Variants in WIPF3 observed in about 807,000 individuals in gnomAD.
WIPF3 encodes WAS/WASL-interacting protein family member 3.
A neutral mutation model predicts 38.9 loss-of-function variants in WIPF3; 33 were observed. The ratio of observed to expected loss-of-function variants is 0.85; its 90% confidence interval spans 0.64 to 1.14. The LOEUF (loss-of-function observed/expected upper bound fraction) is 1.14, where lower values mean the gene tolerates loss of function less well. Ranked by LOEUF, WIPF3 falls within the 50% of genes most tolerant of loss-of-function variation. WIPF3 has a pLI of 0.00. For missense variants in WIPF3, 711 were observed against 652.5 expected, an observed-to-expected ratio of 1.09 and a Z score of -0.98; for synonymous variants, 324 against 269.3, an observed-to-expected ratio of 1.20 and a Z score of -1.99.
At chr7:29,883,755 C>T in intron 4 of WIPF3, 95 bp from the exon 5 acceptor site, 1 of 1,467,440 alleles carries the variant, frequency 6.8e-7, no homozygotes, top group Non-Finnish European at 9.0e-7. Context: ...GTGCAGCTCA[C>T]TGCGGGCAGG....
intron 2 of WIPF3, among the ~76,000 whole-genome samples, chr7:29,846,404 T>C (rs1785001510): frequency 6.6e-6 from 1 of 152,178 alleles, no homozygotes; most frequent in Non-Finnish European, 1.5e-5. Context: ...CATAGAGTAT[T>C]TAAAACACAA....
chr7:29,912,086 A>G (rs956218632), intron 8 of WIPF3, among the ~76,000 whole-genome samples: 4 of 152,228 alleles, frequency 2.6e-5, no homozygotes, highest in Non-Finnish European at 5.9e-5. Flanking sequence ...CAACAAGAAA[A>G]CAAATAACCT....
intron 1 of WIPF3, among the ~76,000 whole-genome samples, chr7:29,821,209 G>A (rs1784531765): frequency 6.6e-6 from 1 of 152,120 alleles, no homozygotes; most frequent in Admixed American, 6.5e-5. Flanking sequence ...TTGTTTCTCT[G>A]GGATATGATG....
chr7:29,878,909 A>G lies in WIPF3; in HGVS notation c.224-100A>G, dbSNP rs2128074251. On this transcript the variant is annotated intron_variant, in intron 3 of 8. Coordinates refer to ENST00000242140, the MANE Select transcript of WIPF3 (RefSeq NM_001080529.3). This position sits in a 1 kb window ranked among gnomAD's most constrained non-coding sequence, Gnocchi z 4.0. ...GAGGTGGGAGAATGGGAAGGCTGAC[A>G]AGGGCAGTGGTAGACCAGTGTTAGA... The G allele has an allele frequency of 1.4e-6, 2 of 1,379,646 alleles. No individual in the cohort carries two copies. Among genetic ancestry groups the G allele is most frequent in the Non-Finnish European group, 2.0e-6 (2 of 1,016,396 alleles). 85.5% of individuals were successfully genotyped at this position (1,379,646 alleles called of 1,614,324 possible).
chr7:29,875,710 T>C, intron 2 of WIPF3, 120 bp from the exon 3 acceptor site: 2 of 1,345,404 alleles, frequency 1.5e-6, no homozygotes, highest in Non-Finnish European at 2.1e-6. Flanking sequence ...TAATCTGAGA[T>C]CAGCCTTGGG....
At chr7:29,880,967 C>T (rs1398264694) in intron 4 of WIPF3, among the ~76,000 whole-genome samples, 1 of 152,108 alleles carries the variant, frequency 6.6e-6, no homozygotes, top group Non-Finnish European at 1.5e-5. Flanking sequence ...ATGCCATCCC[C>T]TCCACTCACA....
chr7:29,827,690 G>A (rs1784645775), intron 1 of WIPF3, among the ~76,000 whole-genome samples: 1 of 152,168 alleles, frequency 6.6e-6, no homozygotes, highest in Non-Finnish European at 1.5e-5. Context: ...TATAGCCAAA[G>A]AAACAAGGGA....
At chr7:29,824,383 A>G (rs1784583533) in intron 1 of WIPF3, among the ~76,000 whole-genome samples, 1 of 152,186 alleles carries the variant, frequency 6.6e-6, no homozygotes, top group Non-Finnish European at 1.5e-5. Context: ...AAGTGTGACC[A>G]AAGTGCAAAG....
chr7:29,818,203 G>C (rs1247631904), intron 1 of WIPF3, among the ~76,000 whole-genome samples: 1 of 152,086 alleles, frequency 6.6e-6, no homozygotes, highest in East Asian at 1.9e-4. Flanking sequence ...TGTAATCCCA[G>C]CACTTTGGGA....
chr7:29,854,618 G>A (rs1283423269), intron 2 of WIPF3, among the ~76,000 whole-genome samples: 1 of 152,104 alleles, frequency 6.6e-6, no homozygotes, highest in Non-Finnish European at 1.5e-5. Flanking sequence ...GGGCCAGGTC[G>A]CTTGTTCACA....
At position 29,860,368 on chromosome 7, in the gene WIPF3, T is replaced by A. The variant is rs76866065; in HGVS notation, c.91-15462T>A. Among the ~76,000 whole-genome samples, 425 of 152,100 alleles carry A rather than the reference T, an allele frequency of 2.8e-3. 2 individuals are homozygous for A. Among genetic ancestry groups the A allele is most frequent in the African/African-American group, 1.0e-2 (414 of 41,472 alleles). On this transcript the variant is annotated intron_variant, in intron 2 of 8. Coordinates refer to ENST00000242140, the MANE Select transcript of WIPF3 (RefSeq NM_001080529.3). ...TGGGGACAGCTCCCCATGAGTTCGTTCTTGCTGTATTAGTTCCCTCCAAAG... is the reference window on the plus strand; with the variant it reads ...TGGGGACAGCTCCCCATGAGTTCGTACTTGCTGTATTAGTTCCCTCCAAAG...
intron 5 of WIPF3, among the ~76,000 whole-genome samples, chr7:29,886,653 G>A (rs778462599): frequency 5.3e-5 from 8 of 152,012 alleles, no homozygotes; most frequent in African/African-American, 9.7e-5. Context: ...CACTATGCCC[G>A]GCCAACAAAA....
chr7:29,878,930 T>G lies in WIPF3; in HGVS notation c.224-79T>G, dbSNP rs1310827088. The G allele has an allele frequency of 2.0e-6, 3 of 1,503,612 alleles. No individual in the cohort carries two copies. Among genetic ancestry groups the G allele is most frequent in the South Asian group, 1.2e-5 (1 of 80,886 alleles). The allele number at this position is 1,503,612 out of a possible 1,614,324, so 93.1% of individuals were successfully genotyped here. On this transcript the variant is annotated intron_variant, in intron 3 of 8. Coordinates refer to ENST00000242140, the MANE Select transcript of WIPF3 (RefSeq NM_001080529.3). The surrounding 1 kb of genome is among the most constrained non-coding windows in gnomAD (Gnocchi z 4.0). Reference sequence around the variant, plus strand: ...TGACAAGGGCAGTGGTAGACCAGTGTTAGACCATGGTCTGAAATGAGACCT... The same window carrying G: ...TGACAAGGGCAGTGGTAGACCAGTGGTAGACCATGGTCTGAAATGAGACCT...
In WIPF3 at chr7:29,884,367, C is replaced by T; in HGVS notation, c.873C>T (p.Ala291=). ...CGCAAGATGCGCAGGAGCCTCCCGCCCCGCCGCCCCCGCTCCCCCCTTATG... is the reference window on the plus strand; with the variant it reads ...CGCAAGATGCGCAGGAGCCTCCCGCTCCGCCGCCCCCGCTCCCCCCTTATG... ...SPAQDAQEPP[A]PPPPLPPYAS... Residue 291 remains alanine (A), a synonymous_variant, in exon 5 of 9, where the codon GCC becomes GCT. Coordinates refer to ENST00000242140, the MANE Select transcript of WIPF3 (RefSeq NM_001080529.3). The T allele has an allele frequency of 1.4e-6, 2 of 1,455,648 alleles. No individual in the cohort carries two copies. Among genetic ancestry groups the T allele is most frequent in the Non-Finnish European group, 1.8e-6 (2 of 1,098,896 alleles). 90.2% of individuals were successfully genotyped at this position (1,455,648 alleles called of 1,614,324 possible).
At chr7:29,874,295 C>T (rs777733897) in intron 2 of WIPF3, among the ~76,000 whole-genome samples, 12 of 152,032 alleles carry the variant, frequency 7.9e-5, no homozygotes, top group African/African-American at 2.4e-4. Context: ...TTCTACTCTT[C>T]GGGGATATTT....
chr7:29,839,096 G>C (rs192641408), intron 2 of WIPF3, among the ~76,000 whole-genome samples: 2 of 152,248 alleles, frequency 1.3e-5, no homozygotes, highest in Admixed American at 1.3e-4. Context: ...GGAGGAGAGT[G>C]GGGGACTCAG....
intron 1 of WIPF3, among the ~76,000 whole-genome samples, chr7:29,830,543 C>T (rs953525603): frequency 6.0e-5 from 9 of 151,014 alleles, no homozygotes; most frequent in African/African-American, 2.2e-4. Context: ...TCGCTTGAAC[C>T]CAGGAGGTGG....
intron 2 of WIPF3, among the ~76,000 whole-genome samples, chr7:29,842,705 C>T (rs998288154): frequency 6.6e-6 from 1 of 152,004 alleles, no homozygotes; most frequent in Non-Finnish European, 1.5e-5. Context: ...ATGGAGTGCC[C>T]TCTGAAGTCT....
rs1784516073 is a variant in WIPF3 at position 29,820,272 on chromosome 7, T to C, written c.-58+13594T>C. ...AATCTTTCTTTGCCTTGTTTAATGG[T>C]TTTTATGGTGATTTGACTTTTCTCT... On this transcript the variant is annotated intron_variant, in intron 1 of 8. Coordinates refer to ENST00000242140, the MANE Select transcript of WIPF3 (RefSeq NM_001080529.3). Among the ~76,000 whole-genome samples, 2 of 152,080 alleles carry C rather than the reference T, an allele frequency of 1.3e-5. 1 individual carries two copies. The highest frequency in any genetic ancestry group is 4.8e-5 in the African/African-American group (2 of 41,450).
Sources: gnomAD v4.1 joint callset for allele counts (sites outside exome capture counted in the v4.1 genomes callset) on GRCh38, gnomAD v4.1.1 for gene constraint, Gnocchi (gnomAD v3.1) non-coding constraint, MANE v1.5 for transcripts, NCBI Gene and HGNC (gene_info 2026-07-23, HGNC 2026-07-21) for gene names.